Variants in SMC5 observed in about 807,000 individuals in gnomAD.
SMC5 encodes the protein structural maintenance of chromosomes protein 5.
Under a neutral mutation model 148.3 loss-of-function variants are expected in SMC5, and 88 were observed. The ratio of observed to expected loss-of-function variants is 0.59; its 90% CI spans 0.50 to 0.71. The LOEUF (loss-of-function observed/expected upper bound fraction) is 0.71, where lower values mean the gene tolerates loss of function less well. Ranked by LOEUF, SMC5 falls within the 30% of genes least tolerant of loss-of-function variation. The probability of loss-of-function intolerance (pLI) is 0.00; values close to 1 mark genes in which losing one functional copy is unlikely to be tolerated. For missense variants in SMC5, 1,142 were observed against 1,298.9 expected, an observed-to-expected ratio of 0.88 and a Z score of 1.86; for synonymous variants, 421 against 432.8, an observed-to-expected ratio of 0.97 and a Z score of 0.34.
intron 17 of SMC5, among the ~76,000 whole-genome samples, chr9:70,328,932 TG>T (rs1167738504): frequency 6.6e-6 from 1 of 152,188 alleles, no homozygotes; most frequent in African/African-American, 2.4e-5. Context: ...ACCAGCACCT[TG>T]TGGAAACTGC....
At chr9:70,275,725 G>T (rs1322140039) in intron 3 of SMC5, among the ~76,000 whole-genome samples, 1 of 151,852 alleles carries the variant, frequency 6.6e-6, no homozygotes, top group African/African-American at 2.4e-5. Flanking sequence ...AAGTATGTTA[G>T]TTTCATATAT....
chr9:70,286,183 C>A lies in SMC5; in HGVS notation c.982-17C>A. ...TTTAACTAGCTGTCCCCCCCTCTCC[C>A]CGGTTTAATTTTACAGGCAACAGAT... On this transcript the variant is annotated splice_polypyrimidine_tract_variant and intron_variant, in intron 7 of 24. Transcript: ENST00000361138. The A allele has an allele frequency of 1.3e-6, 2 of 1,497,616 alleles. No homozygotes were observed. The highest frequency in any genetic ancestry group is 2.3e-5 in the South Asian group (2 of 86,006). 92.8% of individuals were successfully genotyped at this position (1,497,616 alleles called of 1,614,324 possible). A position where few individuals can be genotyped will look rare whatever the true frequency, so the allele number is the denominator to read the frequency against.
At position 70,300,580 on chromosome 9, in the gene SMC5, G is replaced by A. The variant is rs1239435898; in HGVS notation, c.1464+380G>A. On this transcript the variant is annotated intron_variant, in intron 10 of 24. Coordinates refer to ENST00000361138, the MANE Select transcript of SMC5 (RefSeq NM_015110.4). ...GTTGATTAAAGGAAAAAAACTAAGA[G>A]AATAGGCAAGAAAATCACCTGCTAC... Among the ~76,000 whole-genome samples the A allele has an allele frequency of 2.0e-5, 3 of 152,188 alleles. No individual in the cohort carries two copies. In the East Asian group the frequency reaches 5.8e-4, roughly 29 times the overall value.
chr9:70,299,492 T>C (rs969923588), intron 9 of SMC5, among the ~76,000 whole-genome samples: 19 of 152,098 alleles, frequency 1.2e-4, no homozygotes, highest in African/African-American at 4.1e-4. Flanking sequence ...GTAATTTCTC[T>C]CGTGCCTTTT....
chr9:70,263,061 C>G (rs985991559), intron 1 of SMC5, among the ~76,000 whole-genome samples: 6 of 151,940 alleles, frequency 3.9e-5, no homozygotes, highest in African/African-American at 1.5e-4. Flanking sequence ...TTTCCCTGTT[C>G]TGTTTTCTTA....
At chr9:70,285,932 T>C (rs2034887124) in intron 7 of SMC5, among the ~76,000 whole-genome samples, 1 of 152,230 alleles carries the variant, frequency 6.6e-6, no homozygotes, top group Admixed American at 6.5e-5. Context: ...CCTGTAGGGT[T>C]GTTTTTAGGA....
At chr9:70,328,097 C>A (rs538482515) in intron 17 of SMC5, among the ~76,000 whole-genome samples, 1 of 152,274 alleles carries the variant, frequency 6.6e-6, no homozygotes, top group East Asian at 1.9e-4. Flanking sequence ...CCACCAAGAT[C>A]CTCCCTCAAC....
chr9:70,259,009 T>A lies in SMC5; in HGVS notation c.-70T>A. 1 of 1,482,068 alleles carries A rather than the reference T, an allele frequency of 6.7e-7. No individual in the cohort carries two copies. Among genetic ancestry groups the A allele is most frequent in the Non-Finnish European group, 9.0e-7 (1 of 1,113,512 alleles). 91.8% of individuals were successfully genotyped at this position (1,482,068 alleles called of 1,614,324 possible). A position where few individuals can be genotyped will look rare whatever the true frequency, so the allele number is the denominator to read the frequency against. Reference sequence around the variant, plus strand: ...CGCGGGAGCGGGGCGCCTGGGTGGATGGGCGCTTGGGCGCCTGGGCTGCCG... The same window carrying A: ...CGCGGGAGCGGGGCGCCTGGGTGGAAGGGCGCTTGGGCGCCTGGGCTGCCG... On this transcript the variant is annotated 5_prime_UTR_variant, in exon 1 of 25. It removes an upstream start codon present in the reference 5' UTR. Coordinates refer to ENST00000361138, the MANE Select transcript of SMC5 (RefSeq NM_015110.4).
At chr9:70,322,555 G>A (rs2035976242) in intron 15 of SMC5, among the ~76,000 whole-genome samples, 1 of 152,192 alleles carries the variant, frequency 6.6e-6, no homozygotes, top group African/African-American at 2.4e-5. Flanking sequence ...TCATTATGAG[G>A]CCAGGTGCGG....
At chr9:70,265,880 G>C (rs1242152787) in intron 2 of SMC5, among the ~76,000 whole-genome samples, 2 of 152,130 alleles carry the variant, frequency 1.3e-5, no homozygotes, top group Non-Finnish European at 2.9e-5. Flanking sequence ...AAAATCTGCA[G>C]AATGCTAACA....
intron 18 of SMC5, among the ~76,000 whole-genome samples, chr9:70,345,576 C>T (rs1206632294): frequency 6.6e-6 from 1 of 151,978 alleles, no homozygotes; most frequent in Non-Finnish European, 1.5e-5. Context: ...ATAGCTCAGA[C>T]AACGCCCAAG....
intron 1 of SMC5, among the ~76,000 whole-genome samples, chr9:70,260,671 A>G (rs1424574705): frequency 2.6e-5 from 4 of 152,218 alleles, no homozygotes; most frequent in Admixed American, 6.5e-5. Flanking sequence ...GTTAGATACC[A>G]TAACAACATA....
rs1411918432 is a variant in SMC5, at chr9:70,353,993, G to A, written c.*1662G>A. ...TATCAATGTGAAAAAGACACGTGAA[G>A]ATTAAGCATGTTTGAAAATAAAATG... On this transcript the variant is annotated 3_prime_UTR_variant, in exon 25 of 25. Transcript: ENST00000361138. 3 of 152,146 alleles carry A rather than the reference G, an allele frequency of 2.0e-5. No individual in the cohort carries two copies. The highest frequency in any genetic ancestry group is 4.4e-5 in the Non-Finnish European group (3 of 68,030). 9.4% of individuals were successfully genotyped at this position (152,146 alleles called of 1,614,324 possible).
Position 70,300,115 on chromosome 9 carries a change from TC to T in SMC5, c.1381del (p.Arg461ValfsTer10). On this transcript the variant is annotated frameshift_variant, in exon 10 of 25. Coordinates refer to ENST00000361138, the MANE Select transcript of SMC5 (RefSeq NM_015110.4). LOFTEE classifies it high-confidence loss of function. ...NQKEDKLRQR[F>X]RDTYDAVLWL... ...AAGGAAGATAAGCTAAGACAGAGAT[TC>T]CGTGACACGTATGATGCTGTTTTAT... 6.2e-7 allele frequency: 1 copy of T among 1,604,518 alleles called. No homozygotes were observed. The highest frequency in any genetic ancestry group is 8.5e-7 in the Non-Finnish European group (1 of 1,177,346).
chr9:70,328,783 GC>G lies in SMC5; in HGVS notation c.2397+4643del, dbSNP rs550557036. On this transcript the variant is annotated intron_variant, in intron 17 of 24. Transcript: ENST00000361138. Reference sequence around the variant, plus strand: ...CAACCCCACATTTCCCTTCCATACTGCCCTAGTAGAGGTTCTCCATGAGGGC... The same window carrying G: ...CAACCCCACATTTCCCTTCCATACTGCCTAGTAGAGGTTCTCCATGAGGGC... Among the ~76,000 whole-genome samples the G allele has an allele frequency of 1.2e-3, 190 of 152,308 alleles. 2 individuals carry two copies. Among genetic ancestry groups the G allele is most frequent in the Admixed American group, 2.9e-3 (45 of 15,296 alleles).
At chr9:70,343,872 AGCTAGACTTTCAGGAAAAG>A in intron 17 of SMC5, among the ~76,000 whole-genome samples, 1 of 152,238 alleles carries the variant, frequency 6.6e-6, no homozygotes, top group South Asian at 2.1e-4. Flanking sequence ...CATGGAGCTA[AGCTAGACTTTCAGGAAAAG>A]GCAGTAAAAT....
intron 1 of SMC5, among the ~76,000 whole-genome samples, chr9:70,263,489 C>T (rs536391455): frequency 6.6e-6 from 1 of 152,200 alleles, no homozygotes; most frequent in African/African-American, 2.4e-5. Context: ...TGAGAGCTAA[C>T]TGAAATGCTG....
In SMC5 at chr9:70,282,384, G is replaced by A. The variant is rs147031879; in HGVS notation, c.820-38G>A. ...TTTTTAGTATATGTGTTAGTTTAAG[G>A]TAGGGCATTAACTTCTGTTTGTTGA... On this transcript the variant is annotated intron_variant, in intron 6 of 24. Coordinates refer to ENST00000361138, the MANE Select transcript of SMC5 (RefSeq NM_015110.4). 1,197 of 1,554,742 alleles carry A rather than the reference G, an allele frequency of 7.7e-4. 10 individuals are homozygous for A. In the African/African-American group the frequency reaches 0.014, roughly 18 times the overall value.
At chr9:70,305,207 G>T in intron 10 of SMC5, 40 bp from the exon 11 acceptor site, 1 of 831,540 alleles carries the variant, frequency 1.2e-6, no homozygotes, top group Non-Finnish European at 2.0e-6. Flanking sequence ...TAATCAGTTG[G>T]GTTTCATGAA....
Sources: allele counts gnomAD v4.1 joint callset (sites outside exome capture counted in the v4.1 genomes callset), GRCh38; gene constraint gnomAD v4.1.1; transcripts MANE v1.5; gene names NCBI Gene and HGNC (gene_info 2026-07-23, HGNC 2026-07-21).